The following DPYD variants were observed in gnomAD, a reference collection of about 807,000 sequenced individuals.
DPYD encodes dihydropyrimidine dehydrogenase [NADP(+)].
In DPYD, 109 loss-of-function variants were observed where a neutral mutation model predicts 116.2. The observed-to-expected ratio is 0.94, with a 90% CI of 0.80 to 1.10. The LOEUF is 1.10. DPYD is among the 50% of genes least tolerant of loss of function. The pLI is 0.00. For synonymous variants in DPYD, 440 were observed against 432.0 expected (o/e 1.02, Z -0.23); for missense variants, 1,302 against 1,254.5 (o/e 1.04, Z -0.57).
intron 14 of DPYD, among the ~76,000 whole-genome samples, chr1:97,399,939 T>C (rs1673269947): frequency 6.6e-6 from 1 of 152,186 alleles, no homozygotes; most frequent in Non-Finnish European, 1.5e-5. Context: ...ATACCCTTTA[T>C]TTCCTTCTCC....
At chr1:97,508,901 G>C (rs1647565826) in intron 13 of DPYD, among the ~76,000 whole-genome samples, 1 of 151,912 alleles carries the variant, frequency 6.6e-6, no homozygotes, top group South Asian at 2.1e-4. Flanking sequence ...AAGAGGATTT[G>C]CAACTTCTCC....
intron 3 of DPYD, among the ~76,000 whole-genome samples, chr1:97,759,268 G>A (rs975552121): frequency 7.2e-5 from 11 of 152,264 alleles, no homozygotes; most frequent in Non-Finnish European, 1.3e-4. Flanking sequence ...CAAGGCATTT[G>A]TTGACTAATC....
intron 20 of DPYD, among the ~76,000 whole-genome samples, chr1:97,110,193 A>C (rs1160883207): frequency 2.0e-5 from 3 of 152,162 alleles, no homozygotes; most frequent in Admixed American, 6.6e-5. Flanking sequence ...TCCTTCTTTC[A>C]GATGTATTTG....
chr1:97,348,083 T>C (rs924143431), intron 16 of DPYD, among the ~76,000 whole-genome samples: 34 of 152,138 alleles, frequency 2.2e-4, no homozygotes, highest in African/African-American at 8.0e-4. Flanking sequence ...TAAGAAGGCA[T>C]TGTCACAATT....
intron 3 of DPYD, among the ~76,000 whole-genome samples, chr1:97,770,481 A>AT (rs1266831582): frequency 2.6e-5 from 4 of 152,156 alleles, no homozygotes; most frequent in East Asian, 1.9e-4. Context: ...GGAAAAAAAA[A>AT]TTTTGAATAG....
intron 10 of DPYD, chr1:97,586,004 C>A: frequency 4.4e-6 from 1 of 227,290 alleles, no homozygotes; most frequent in Non-Finnish European, 9.1e-6. Context: ...TTGATCCATG[C>A]CCATCTGAAA....
At chr1:97,157,460 A>G (rs764828780) in intron 20 of DPYD, among the ~76,000 whole-genome samples, 4 of 152,024 alleles carry the variant, frequency 2.6e-5, no homozygotes, top group Admixed American at 6.6e-5. Context: ...TTATTCCTCA[A>G]ATAAGATGGG....
intron 3 of DPYD, among the ~76,000 whole-genome samples, chr1:97,781,772 CA>C (rs1317895554): frequency 1.3e-5 from 2 of 152,180 alleles, no homozygotes; most frequent in Admixed American, 1.3e-4. Context: ...ATGATTTTAA[CA>C]AGTCAACTCA....
chr1:97,233,081 C>G (rs676686), intron 19 of DPYD, among the ~76,000 whole-genome samples: 70,895 of 151,954 alleles, frequency 0.47, 17,545 homozygotes, highest in East Asian at 0.71. Context: ...GAGAATGCCA[C>G]CTCCTTAATG....
At chr1:97,703,983 C>T (rs1661753747) in intron 5 of DPYD, among the ~76,000 whole-genome samples, 1 of 152,050 alleles carries the variant, frequency 6.6e-6, no homozygotes. Flanking sequence ...CTCGGCAATA[C>T]ATGAGGGCTC....
intron 18 of DPYD, among the ~76,000 whole-genome samples, chr1:97,290,693 G>A (rs913668354): frequency 5.9e-5 from 9 of 152,002 alleles, no homozygotes; most frequent in Non-Finnish European, 1.2e-4. Context: ...ATTCAAGATA[G>A]ATTAAAGACT....
chr1:97,378,654 C>T (rs957642212), intron 15 of DPYD, among the ~76,000 whole-genome samples: 1 of 152,256 alleles, frequency 6.6e-6, no homozygotes, highest in East Asian at 1.9e-4. Flanking sequence ...TAATGGCTTC[C>T]TTTTTGTTTG....
intron 21 of DPYD, among the ~76,000 whole-genome samples, chr1:97,095,406 G>GA (rs1212206322): frequency 6.6e-6 from 1 of 151,698 alleles, no homozygotes; most frequent in Non-Finnish European, 1.5e-5. Flanking sequence ...TGTCTATTTG[G>GA]AAAAAAATAA....
At chr1:97,222,993 G>T (rs1013752991) in intron 19 of DPYD, among the ~76,000 whole-genome samples, 5 of 151,878 alleles carry the variant, frequency 3.3e-5, no homozygotes, top group South Asian at 4.2e-4. Context: ...GTAATATAGG[G>T]TGCAAAATTT....
intron 12 of DPYD, among the ~76,000 whole-genome samples, chr1:97,519,141 T>A (rs560827858): frequency 1.9e-4 from 29 of 152,256 alleles, no homozygotes; most frequent in African/African-American, 6.7e-4. Context: ...AAGCCATGTG[T>A]GTTAGTTCAT....
intron 16 of DPYD, among the ~76,000 whole-genome samples, chr1:97,312,055 G>T (rs7413375): frequency 0.051 from 7,808 of 151,672 alleles, 459 homozygotes; most frequent in East Asian, 0.19. Context: ...CACATTATGA[G>T]TTGTTAAAAA....
At chr1:97,167,329 T>C (rs928118648) in intron 20 of DPYD, among the ~76,000 whole-genome samples, 2 of 152,170 alleles carry the variant, frequency 1.3e-5, no homozygotes, top group Non-Finnish European at 2.9e-5. Context: ...CACATATCAC[T>C]CCTTTTCCTG....
intron 20 of DPYD, among the ~76,000 whole-genome samples, chr1:97,165,787 GACA>G (rs1656278686): frequency 2.0e-5 from 3 of 152,050 alleles, no homozygotes; most frequent in African/African-American, 7.2e-5. Context: ...CACAAAAGAA[GACA>G]CACATGTGGC....
At chr1:97,540,869 T>C (rs554884558) in intron 12 of DPYD, among the ~76,000 whole-genome samples, 9 of 152,272 alleles carry the variant, frequency 5.9e-5, no homozygotes, top group South Asian at 4.1e-4. Flanking sequence ...CTCATCACTT[T>C]GGAGATTCCA....
Sources: gnomAD v4.1 joint callset for allele counts (sites outside exome capture counted in the v4.1 genomes callset) on GRCh38, gnomAD v4.1.1 for gene constraint, MANE v1.5 for transcripts, NCBI Gene and HGNC (gene_info 2026-07-23, HGNC 2026-07-21) for gene names.